Variants in ZCCHC4 observed in about 807,000 individuals in gnomAD.
The protein encoded by ZCCHC4 is zinc finger CCHC-type containing 4, also known as rRNA N(6)-adenosine-methyltransferase ZCCHC4.
A neutral mutation model predicts 67.7 loss-of-function variants in ZCCHC4; 54 were observed. The observed-to-expected ratio is 0.80, with a 90% CI of 0.64 to 1.00. The LOEUF (loss-of-function observed/expected upper bound fraction) is 1.00, where lower values mean the gene tolerates loss of function less well. Among genes scored for constraint, ZCCHC4 ranks in the 50% least tolerant of loss-of-function variants. The probability of loss-of-function intolerance (pLI) is 0.00; values close to 1 mark genes in which losing one functional copy is unlikely to be tolerated. For synonymous variants in ZCCHC4, 198 were observed against 213.5 expected (o/e 0.93, Z 0.63); for missense variants, 609 against 617.0 (o/e 0.99, Z 0.14).
chr4:25,352,117 A>T (rs1720328295), intron 8 of ZCCHC4: 1 of 987,124 alleles, frequency 1.0e-6, no homozygotes, highest in Non-Finnish European at 1.2e-6. Flanking sequence ...GTGAAATGCC[A>T]TGCACACTTT....
At chr4:25,366,293 G>T in intron 12 of ZCCHC4, 6 of 446,410 alleles carry the variant, frequency 1.3e-5, no homozygotes, top group South Asian at 9.7e-5. Context: ...AAAACTTAAA[G>T]AAGCTTATTG....
At chr4:25,363,871 G>T (rs923062892) in intron 10 of ZCCHC4, among the ~76,000 whole-genome samples, 2 of 152,086 alleles carry the variant, frequency 1.3e-5, no homozygotes, top group Non-Finnish European at 2.9e-5. Flanking sequence ...GGGAAGGGAG[G>T]GATGCTGTGA....
intron 8 of ZCCHC4, among the ~76,000 whole-genome samples, chr4:25,354,356 G>A (rs1296091841): frequency 6.6e-6 from 1 of 152,160 alleles, no homozygotes; most frequent in Non-Finnish European, 1.5e-5. Flanking sequence ...GTTCTGATTA[G>A]GTCATATGTG....
intron 1 of ZCCHC4, among the ~76,000 whole-genome samples, chr4:25,313,401 G>A (rs1158241113): frequency 3.3e-5 from 5 of 152,206 alleles, no homozygotes; most frequent in African/African-American, 7.2e-5. Context: ...CCGCGCAAGA[G>A]ATGTCAAAGT....
In ZCCHC4 at chr4:25,361,880, C is replaced by G; in HGVS notation, c.1033C>G (p.Leu345Val). 1.9e-6 allele frequency: 3 copies of G among 1,612,410 alleles called. No individual in the cohort carries two copies. Among genetic ancestry groups the G allele is most frequent in the Non-Finnish European group, 2.5e-6 (3 of 1,179,102 alleles). ...CTAGGTAGATTATGATAATCATGCA[C>G]TTTATAAACACGGAAAGACAGGTCG... ...DYQVDYDNHA[L>V]YKHGKTGRKQ... The change falls in exon 9 of 13, where the codon CTT becomes GTT. Residue 345 changes from leucine to valine, a missense_variant. By Grantham distance (32) the Leu-to-Val change is conservative. Transcript: ENST00000302874.
At position 25,362,319 on chromosome 4, in the gene ZCCHC4, A is replaced by G. The variant is rs370697906; in HGVS notation, c.1209+18A>G. 1.3e-6 allele frequency: 2 copies of G among 1,509,524 alleles called. No individual in the cohort carries two copies. The highest frequency in any genetic ancestry group is 2.3e-5 in the East Asian group (1 of 43,922). The allele number at this position is 1,509,524 out of a possible 1,614,324, so 93.5% of individuals were successfully genotyped here. ...CATCCAAGGTATGGTGTTCTTATAG[A>G]ATGTATTTTTATTTAGATATATTCA... is the stretch of plus-strand genomic sequence containing the variant. On this transcript the variant is annotated intron_variant, in intron 10 of 12. Coordinates refer to ENST00000302874, the MANE Select transcript of ZCCHC4 (RefSeq NM_024936.3).
intron 2 of ZCCHC4, among the ~76,000 whole-genome samples, chr4:25,314,859 C>T (rs1033855637): frequency 2.6e-5 from 4 of 152,100 alleles, no homozygotes; most frequent in African/African-American, 9.7e-5. Context: ...TTTTTTTGAA[C>T]ATTTGCATTG....
At chr4:25,334,224 G>A (rs1275243617) in intron 5 of ZCCHC4, among the ~76,000 whole-genome samples, 1 of 152,134 alleles carries the variant, frequency 6.6e-6, no homozygotes, top group South Asian at 2.1e-4. Context: ...TGTGAATGTG[G>A]CTAGTTCGTC....
chr4:25,341,824 G>C (rs1337673514), intron 5 of ZCCHC4, among the ~76,000 whole-genome samples: 3 of 152,178 alleles, frequency 2.0e-5, no homozygotes, highest in African/African-American at 4.8e-5. Flanking sequence ...CTGATCTCCA[G>C]AACTCTTCAT....
At chr4:25,316,859 G>A (rs1388094982) in intron 3 of ZCCHC4, among the ~76,000 whole-genome samples, 2 of 152,068 alleles carry the variant, frequency 1.3e-5, no homozygotes, top group African/African-American at 4.8e-5. Flanking sequence ...TGTGCTTTCG[G>A]TGTATAGATC....
chr4:25,354,816 CT>C lies in ZCCHC4; in HGVS notation c.1011+3135del, dbSNP rs796148489. On this transcript the variant is annotated intron_variant, in intron 8 of 12. Transcript: ENST00000302874. Reference sequence around the variant, plus strand: ...CCTGGCCTAACTTCATTTTGTGGTACTTTTTTTTCTTGTATATTAGCCTTCA... The same window carrying C: ...CCTGGCCTAACTTCATTTTGTGGTACTTTTTTTCTTGTATATTAGCCTTCA... 3.3e-4 allele frequency among the ~76,000 whole-genome samples: 49 copies of C among 149,004 alleles called. No individual in the cohort carries two copies. The South Asian group carries it at 0.011, about 32-fold the overall frequency.
In ZCCHC4 at chr4:25,347,670, A is replaced by G. The variant is rs185166349; in HGVS notation, c.760-1822A>G. Among the ~76,000 whole-genome samples, 797 of 152,332 alleles carry G rather than the reference A, an allele frequency of 5.2e-3. 6 individuals are homozygous for G. The highest frequency in any genetic ancestry group is 0.018 in the African/African-American group (756 of 41,576). ...CGGCTCAGTGCCTTTGAGGCTGTCC[A>G]GGGTGCTTAGGAGAATAGAATACTC... is the stretch of plus-strand genomic sequence containing the variant. On this transcript the variant is annotated intron_variant, in intron 6 of 12. Coordinates refer to ENST00000302874, the MANE Select transcript of ZCCHC4 (RefSeq NM_024936.3).
Position 25,369,201 on chromosome 4 carries a change from C to A in ZCCHC4, c.*37C>A. 1.2e-6 allele frequency: 2 copies of A among 1,602,176 alleles called. No individual in the cohort carries two copies. Among genetic ancestry groups the A allele is most frequent in the South Asian group, 2.3e-5 (2 of 87,974 alleles). On this transcript the variant is annotated 3_prime_UTR_variant, in exon 13 of 13. Transcript: ENST00000302874. ...CTGGAGAATAAGAAAGATTTATGGT[C>A]CAACCTTTGATGCCATTTTCTGAAA...
chr4:25,349,571 G>A lies in ZCCHC4; in HGVS notation c.839G>A (p.Gly280Asp), dbSNP rs1720189678. ...ATTATGGTGACGGATCCTCCGTTTG[G>A]TGGCTTGGTTGAACCTCTGGCTATT... ...GIIMVTDPPF[G>D]GLVEPLAITF... Residue 280 changes from glycine (G) to aspartate (D), a missense_variant, in exon 7 of 13, where the codon GGT becomes GAT. By Grantham distance (94) the Gly-to-Asp change is moderately conservative. Coordinates refer to ENST00000302874, the MANE Select transcript of ZCCHC4 (RefSeq NM_024936.3). 6.2e-7 allele frequency: 1 copy of A among 1,613,926 alleles called. No homozygotes were observed. The highest frequency in any genetic ancestry group is 1.7e-5 in the Admixed American group (1 of 59,988).
intron 3 of ZCCHC4, among the ~76,000 whole-genome samples, chr4:25,322,372 A>G (rs544689142): frequency 2.0e-5 from 3 of 152,242 alleles, no homozygotes; most frequent in East Asian, 1.9e-4. Context: ...AGCAACCACT[A>G]TTCTACTTTC....
chr4:25,328,403 C>A (rs1000131705), intron 3 of ZCCHC4, among the ~76,000 whole-genome samples: 2 of 152,030 alleles, frequency 1.3e-5, no homozygotes, highest in Non-Finnish European at 2.9e-5. Flanking sequence ...CCATGCCCAG[C>A]TAATTTTTGT....
At chr4:25,345,424 C>T in intron 5 of ZCCHC4, 124 bp from the exon 6 acceptor site, 1 of 657,006 alleles carries the variant, frequency 1.5e-6, no homozygotes, top group African/African-American at 1.9e-5. Flanking sequence ...GCAAATTATT[C>T]TTTATTTCAA....
chr4:25,360,987 T>TA (rs1440777873), intron 8 of ZCCHC4, among the ~76,000 whole-genome samples: 4 of 152,204 alleles, frequency 2.6e-5, no homozygotes, highest in Non-Finnish European at 5.9e-5. Flanking sequence ...TCTGTACTGA[T>TA]ACCTGGGTGG....
chr4:25,369,233 C>G lies in ZCCHC4; in HGVS notation c.*69C>G. Reference sequence around the variant, plus strand: ...TTGATGCCATTTTCTGAAAGTGCCACACTGGACTTAAATTCAGCTGCTTCC... The same window carrying G: ...TTGATGCCATTTTCTGAAAGTGCCAGACTGGACTTAAATTCAGCTGCTTCC... On this transcript the variant is annotated 3_prime_UTR_variant, in exon 13 of 13. Transcript: ENST00000302874. 1 of 1,589,044 alleles carries G rather than the reference C, an allele frequency of 6.3e-7. No homozygotes were observed. The highest frequency in any genetic ancestry group is 8.5e-7 in the Non-Finnish European group (1 of 1,171,480).
Sources: allele counts gnomAD v4.1 joint callset (sites outside exome capture counted in the v4.1 genomes callset), GRCh38; gene constraint gnomAD v4.1.1; transcripts MANE v1.5; gene names NCBI Gene and HGNC (gene_info 2026-07-23, HGNC 2026-07-21).